Variants in ROR2 observed in about 807,000 individuals in gnomAD.
The protein encoded by ROR2 is tyrosine-protein kinase transmembrane receptor ROR2.
Under a neutral mutation model 74.9 loss-of-function variants are expected in ROR2, and 33 were observed. That is an observed-to-expected ratio of 0.44 (90% CI 0.33 to 0.59). The LOEUF is 0.59. Ranked by LOEUF, ROR2 falls within the 20% of genes least tolerant of loss-of-function variation. The probability of loss-of-function intolerance (pLI) is 0.02; values close to 1 mark genes in which losing one functional copy is unlikely to be tolerated. For missense variants in ROR2, 1,216 were observed against 1,313.8 expected, an observed-to-expected ratio of 0.93 and a Z score of 1.15; for synonymous variants, 586 against 558.7, an observed-to-expected ratio of 1.05 and a Z score of -0.69.
intron 2 of ROR2, among the ~76,000 whole-genome samples, chr9:91,772,524 T>A (rs909876190): frequency 1.3e-5 from 2 of 152,216 alleles, no homozygotes; most frequent in African/African-American, 2.4e-5. Flanking sequence ...TGTGATACTA[T>A]ACTACTCTAT....
chr9:91,804,117 G>T (rs554221144), intron 1 of ROR2, among the ~76,000 whole-genome samples: 2 of 152,150 alleles, frequency 1.3e-5, no homozygotes, highest in Non-Finnish European at 2.9e-5. Flanking sequence ...AACCATCATG[G>T]TATCATCCAC....
At chr9:91,754,690 T>A (rs532496210) in intron 4 of ROR2, among the ~76,000 whole-genome samples, 3 of 152,156 alleles carry the variant, frequency 2.0e-5, no homozygotes, top group Non-Finnish European at 4.4e-5. Flanking sequence ...GACATAAATA[T>A]AAAATAAGAG....
Position 91,905,592 on chromosome 9 carries a change from C to T in ROR2, c.97+44275G>A, listed in dbSNP as rs1032601229. On this transcript the variant is annotated intron_variant, in intron 1 of 8. Transcript: ENST00000375708. The surrounding 1 kb of genome is among the most constrained non-coding windows in gnomAD (Gnocchi z 5.3). ...ACATACAACACATACACAAACATCA[C>T]ACATGCCACACACAACACATATACA... Among the ~76,000 whole-genome samples, 1 of 151,996 alleles carries T rather than the reference C, an allele frequency of 6.6e-6. No homozygotes were observed. The highest frequency in any genetic ancestry group is 2.4e-5 in the African/African-American group (1 of 41,402).
intron 1 of ROR2, among the ~76,000 whole-genome samples, chr9:91,857,717 C>T (rs1829340827): frequency 6.6e-6 from 1 of 152,090 alleles, no homozygotes; most frequent in Non-Finnish European, 1.5e-5. Flanking sequence ...GAGCTTAAAT[C>T]CCCTCCCCTC....
At chr9:91,801,465 T>C (rs189940831) in intron 1 of ROR2, among the ~76,000 whole-genome samples, 30 of 152,312 alleles carry the variant, frequency 2.0e-4, no homozygotes, top group East Asian at 1.4e-3. Context: ...ACCGAACAGC[T>C]GGGACTACAG....
chr9:91,912,362 T>C (rs1332274680), intron 1 of ROR2, among the ~76,000 whole-genome samples: 2 of 152,194 alleles, frequency 1.3e-5, no homozygotes, highest in African/African-American at 4.8e-5. Context: ...TTATTATGAA[T>C]TCCAAAATGG....
At chr9:91,799,698 T>C (rs565479496) in intron 1 of ROR2, among the ~76,000 whole-genome samples, 4 of 152,338 alleles carry the variant, frequency 2.6e-5, no homozygotes, top group African/African-American at 9.6e-5. Context: ...CTGAACTGTG[T>C]CTCACATTCC....
At chr9:91,753,264 ATG>A (rs1370914210) in intron 4 of ROR2, among the ~76,000 whole-genome samples, 42 of 152,352 alleles carry the variant, frequency 2.8e-4, no homozygotes, top group African/African-American at 1.0e-3. Context: ...TTAAGAAACA[ATG>A]TAAAGGAAAA....
At position 91,723,965 on chromosome 9, in the gene ROR2, T is replaced by C; in HGVS notation, c.2529A>G (p.Pro843=). The part of the protein sequence containing the change: ...YLPNFYPVQI[P]MQMAPQQVPP... ...GCACCTGCTGCGGGGCCATCTGCAT[T>C]GGGATCTGCACCGGGTAGAAGTTGG... Residue 843 remains proline, a synonymous_variant, in exon 9 of 9, where the codon CCA becomes CCG. Coordinates refer to ENST00000375708, the MANE Select transcript of ROR2 (RefSeq NM_004560.4). 1 of 1,613,286 alleles carries C rather than the reference T, an allele frequency of 6.2e-7. No individual in the cohort carries two copies. Among genetic ancestry groups the C allele is most frequent in the Non-Finnish European group, 8.5e-7 (1 of 1,180,020 alleles).
chr9:91,815,169 T>C (rs1827887314), intron 1 of ROR2, among the ~76,000 whole-genome samples: 1 of 152,256 alleles, frequency 6.6e-6, no homozygotes, highest in African/African-American at 2.4e-5. Flanking sequence ...CATGGTTATA[T>C]AGATTATGTT....
chr9:91,881,502 C>G (rs1200617014), intron 1 of ROR2, among the ~76,000 whole-genome samples: 1 of 152,162 alleles, frequency 6.6e-6, no homozygotes, highest in Non-Finnish European at 1.5e-5. Flanking sequence ...TCATTTCACT[C>G]GAAGTCGCAG....
intron 2 of ROR2, among the ~76,000 whole-genome samples, chr9:91,762,481 G>A (rs940785363): frequency 6.6e-6 from 1 of 151,952 alleles, no homozygotes; most frequent in Non-Finnish European, 1.5e-5. Flanking sequence ...ATTTAAAAAT[G>A]TTAAATGCTA....
intron 4 of ROR2, among the ~76,000 whole-genome samples, chr9:91,740,562 G>A (rs1048377722): frequency 1.4e-5 from 2 of 144,408 alleles, no homozygotes; most frequent in African/African-American, 2.8e-5. Flanking sequence ...GGGCGGGGGG[G>A]GGAATATATA....
intron 1 of ROR2, among the ~76,000 whole-genome samples, chr9:91,790,744 G>A (rs1826943847): frequency 6.6e-6 from 1 of 152,192 alleles, no homozygotes; most frequent in Non-Finnish European, 1.5e-5. Flanking sequence ...GTGTGCTACT[G>A]TCCTTGAGAC....
In ROR2 at chr9:91,905,369, GAC is replaced by G. The variant is rs1267468812; in HGVS notation, c.97+44496_97+44497del. ...CAACCATCACACACCATACACACAA[GAC>G]ACACAACACATACCACACACACAGA... On this transcript the variant is annotated intron_variant, in intron 1 of 8. Coordinates refer to ENST00000375708, the MANE Select transcript of ROR2 (RefSeq NM_004560.4). This position sits in a 1 kb window ranked among gnomAD's most constrained non-coding sequence, Gnocchi z 5.3. 1.3e-5 allele frequency among the ~76,000 whole-genome samples: 2 copies of G among 148,720 alleles called. No homozygotes were observed. The highest frequency in any genetic ancestry group is 4.0e-4 in the East Asian group (2 of 5,006).
intron 1 of ROR2, among the ~76,000 whole-genome samples, chr9:91,896,703 T>C (rs1423250815): frequency 6.6e-6 from 1 of 152,218 alleles, no homozygotes; most frequent in Non-Finnish European, 1.5e-5. Context: ...TATGTTGTAA[T>C]CCCTTTTAAA....
chr9:91,739,111 G>GTT (rs1354087180), intron 4 of ROR2, among the ~76,000 whole-genome samples: 1 of 152,202 alleles, frequency 6.6e-6, no homozygotes, highest in Non-Finnish European at 1.5e-5. Context: ...CCTGTAGCTT[G>GTT]TTTTCCAGAA....
In ROR2 at chr9:91,724,166, G is replaced by A. The variant is rs758779064; in HGVS notation, c.2328C>T (p.Ser776=). Residue 776 remains serine, a synonymous_variant, in exon 9 of 9, where the codon AGC becomes AGT. Coordinates refer to ENST00000375708, the MANE Select transcript of ROR2 (RefSeq NM_004560.4). Reference sequence around the variant, plus strand: ...GGGCGTTGCTCACATTGCTCACTGGGCTGGTGCTCAGGGAGCTGGTCTGCG... The same window carrying A: ...GGGCGTTGCTCACATTGCTCACTGGACTGGTGCTCAGGGAGCTGGTCTGCG... ...NTTQTSSLST[S]PVSNVSNARY... is the part of the protein sequence containing the mutation. The A allele has an allele frequency of 1.9e-6, 3 of 1,612,278 alleles. No individual in the cohort carries two copies. Among genetic ancestry groups the A allele is most frequent in the Non-Finnish European group, 2.5e-6 (3 of 1,180,018 alleles).
chr9:91,822,865 A>AT (rs1212111161), intron 1 of ROR2, among the ~76,000 whole-genome samples: 3 of 152,220 alleles, frequency 2.0e-5, no homozygotes, highest in African/African-American at 7.2e-5. Context: ...AGCTTCTCCA[A>AT]TAAGTCTTCT....
Sources: gnomAD v4.1 joint callset for allele counts (sites outside exome capture counted in the v4.1 genomes callset) on GRCh38, gnomAD v4.1.1 for gene constraint, Gnocchi (gnomAD v3.1) non-coding constraint, MANE v1.5 for transcripts, NCBI Gene and HGNC (gene_info 2026-07-23, HGNC 2026-07-21) for gene names.